The following PTPRU variants were observed in gnomAD, a reference collection of about 807,000 sequenced individuals.
The protein encoded by PTPRU is protein tyrosine phosphatase receptor type U, also known as receptor-type tyrosine-protein phosphatase U.
A neutral mutation model predicts 166.3 loss-of-function variants in PTPRU; 69 were observed. That is an observed-to-expected ratio of 0.41 (90% confidence interval 0.34 to 0.51). The LOEUF is 0.51. Ranked by LOEUF, PTPRU falls within the 20% of genes least tolerant of loss-of-function variation. PTPRU has a pLI of 0.09. For synonymous variants in PTPRU, 793 were observed against 814.0 expected (o/e 0.97, Z 0.44); for missense variants, 1,657 against 2,013.7 (o/e 0.82, Z 3.39).
Position 29,279,125 on chromosome 1 carries a change from G to A in PTPRU, c.1563+4G>A, listed in dbSNP as rs1481791867. 1 of 1,561,508 alleles carries A rather than the reference G, an allele frequency of 6.4e-7. No individual in the cohort carries two copies. The highest frequency in any genetic ancestry group is 2.4e-5 in the East Asian group (1 of 41,810). Reference sequence around the variant, plus strand: ...TGGTCTCATCACCCAGTATGAGGTGGGTTTGGGACCCTATTACAGTGGGGG... The same window carrying A: ...TGGTCTCATCACCCAGTATGAGGTGAGTTTGGGACCCTATTACAGTGGGGG... On this transcript the variant is annotated splice_donor_region_variant and intron_variant, in intron 9 of 29. Transcript: ENST00000373779. This position sits in a 1 kb window ranked among gnomAD's most constrained non-coding sequence, Gnocchi z 5.2.
intron 24 of PTPRU, 53 bp downstream of exon 24, chr1:29,316,204 T>TGTGTG: frequency 6.4e-7 from 1 of 1,570,100 alleles, no homozygotes; most frequent in Non-Finnish European, 8.7e-7. Context: ...TGTGTGTGTG[T>TGTGTG]TGGGGCATCC....
chr1:29,304,959 G>T, intron 17 of PTPRU, 110 bp downstream of exon 17: 1 of 994,080 alleles, frequency 1.0e-6, no homozygotes, highest in Non-Finnish European at 1.5e-6. Flanking sequence ...AGTAGCATTG[G>T]CCACCTTTTA....
intron 7 of PTPRU, among the ~76,000 whole-genome samples, chr1:29,272,176 T>C (rs1375374802): frequency 6.6e-6 from 1 of 152,078 alleles, no homozygotes; most frequent in African/African-American, 2.4e-5. Context: ...CAAAACTACA[T>C]TAAAAAAATT....
At chr1:29,273,627 T>G (rs1296941043) in intron 7 of PTPRU, among the ~76,000 whole-genome samples, 18 of 152,118 alleles carry the variant, frequency 1.2e-4, no homozygotes, top group Admixed American at 1.2e-3. Flanking sequence ...GGTCTCAAAC[T>G]CCTGGGCTCC....
intron 18 of PTPRU, among the ~76,000 whole-genome samples, chr1:29,308,271 G>A (rs1448673961): frequency 4.7e-5 from 7 of 149,658 alleles, no homozygotes; most frequent in African/African-American, 1.2e-4. Flanking sequence ...TGCCATGCCC[G>A]GCTAATTTTT....
Position 29,236,613 on chromosome 1 carries a change from C to G in PTPRU, c.-32C>G. On this transcript the variant is annotated 5_prime_UTR_variant, in exon 1 of 30. Transcript: ENST00000373779. This position sits in a 1 kb window ranked among gnomAD's most constrained non-coding sequence, Gnocchi z 4.6. ...GCTCCGGGGGCGGCGTCCCCCGCGC[C>G]GGGCCCCGGGACGGGCGGCGACGCT... is the stretch of plus-strand genomic sequence containing the variant. The G allele has an allele frequency of 8.2e-7, 1 of 1,222,310 alleles. No individual in the cohort carries two copies. The highest frequency in any genetic ancestry group is 1.0e-6 in the Non-Finnish European group (1 of 982,110). The allele number at this position is 1,222,310 out of a possible 1,614,324, so 75.7% of individuals were successfully genotyped here.
In PTPRU at chr1:29,318,561, T is replaced by C. The variant is rs913155270; in HGVS notation, c.3687+640T>C. On this transcript the variant is annotated intron_variant, in intron 25 of 29. Coordinates refer to ENST00000373779, the MANE Select transcript of PTPRU (RefSeq NM_133178.4). The stretch of plus-strand genomic sequence containing the variant: ...TATTATCCCTATTCCTCTGCCACAC[T>C]GGAACCAGTTCAGATATAGACACAG... Among the ~76,000 whole-genome samples the C allele has an allele frequency of 2.6e-5, 4 of 152,222 alleles. No homozygotes were observed. The East Asian group carries it at 5.8e-4, about 22-fold the overall frequency.
intron 4 of PTPRU, 33 bp downstream of exon 4, chr1:29,259,375 AG>A (rs767516216): frequency 6.2e-7 from 1 of 1,611,564 alleles, no homozygotes; most frequent in Non-Finnish European, 8.5e-7. Context: ...CGCAGGGGTA[AG>A]GGGTGTGGGC....
chr1:29,266,043 G>A (rs866681699), intron 7 of PTPRU, among the ~76,000 whole-genome samples: 67 of 84,298 alleles, frequency 7.9e-4, no homozygotes, highest in African/African-American at 2.1e-3. Context: ...TTTTTGATAC[G>A]GAGTTTCACT....
At chr1:29,270,225 G>A (rs1000182564) in intron 7 of PTPRU, among the ~76,000 whole-genome samples, 1 of 152,140 alleles carries the variant, frequency 6.6e-6, no homozygotes, top group African/African-American at 2.4e-5. Context: ...GGTAATGACT[G>A]TAGGCTGGGC....
At chr1:29,270,317 T>A (rs971188106) in intron 7 of PTPRU, among the ~76,000 whole-genome samples, 1 of 152,114 alleles carries the variant, frequency 6.6e-6, no homozygotes, top group Admixed American at 6.5e-5. Flanking sequence ...TTGTTTTTGT[T>A]TCTTTTTTTG....
At chr1:29,319,159 G>A (rs867892109) in intron 25 of PTPRU, among the ~76,000 whole-genome samples, 4 of 152,162 alleles carry the variant, frequency 2.6e-5, no homozygotes, top group Non-Finnish European at 5.9e-5. Context: ...CATGCTCGCC[G>A]GGGGACATCT....
chr1:29,269,212 TTATATACATATA>T (rs1685430303), intron 7 of PTPRU, among the ~76,000 whole-genome samples: 2 of 112,452 alleles, frequency 1.8e-5, no homozygotes, highest in African/African-American at 7.1e-5. Context: ...CCCAGCTAAT[TTATATACATATA>T]TATATATATA....
At chr1:29,292,094 C>T in intron 15 of PTPRU, 68 bp downstream of exon 15, 3 of 1,575,038 alleles carry the variant, frequency 1.9e-6, no homozygotes, top group Non-Finnish European at 2.6e-6. Flanking sequence ...AATAGGGTCC[C>T]CACATCAGGT....
intron 7 of PTPRU, among the ~76,000 whole-genome samples, chr1:29,274,577 G>A (rs1685711457): frequency 6.6e-6 from 1 of 151,866 alleles, no homozygotes; most frequent in Non-Finnish European, 1.5e-5. Flanking sequence ...TTAACTATTT[G>A]GCTCTCATTT....
At position 29,276,621 on chromosome 1, in the gene PTPRU, T is replaced by C. The variant is rs2151951596; in HGVS notation, c.1453+865T>C. ...GCATGAGCCACTTCATTTGCCAATATTCTTTTATTATATTTATTTAATGTC... is the reference window on the plus strand; with the variant it reads ...GCATGAGCCACTTCATTTGCCAATACTCTTTTATTATATTTATTTAATGTC... On this transcript the variant is annotated intron_variant, in intron 8 of 29. Transcript: ENST00000373779. 1.3e-5 allele frequency among the ~76,000 whole-genome samples: 2 copies of C among 152,246 alleles called. 1 individual carries two copies. Among genetic ancestry groups the C allele is most frequent in the South Asian group, 4.1e-4 (2 of 4,822 alleles).
intron 8 of PTPRU, 104 bp from the exon 9 acceptor site, chr1:29,278,908 T>C: frequency 2.4e-6 from 2 of 827,112 alleles, no homozygotes; most frequent in South Asian, 1.6e-5. Context: ...AGAGGCTGAA[T>C]AGTCCATGAG....
chr1:29,316,909 G>A (rs1290150788), intron 24 of PTPRU, among the ~76,000 whole-genome samples: 1 of 152,128 alleles, frequency 6.6e-6, no homozygotes, highest in African/African-American at 2.4e-5. Flanking sequence ...TCACATGGCT[G>A]AGATGGGAAA....
chr1:29,260,172 T>C lies in PTPRU; in HGVS notation c.850+128T>C. The C allele has an allele frequency of 1.9e-6, 2 of 1,077,742 alleles. No homozygotes were observed. The highest frequency in any genetic ancestry group is 2.4e-6 in the Non-Finnish European group (2 of 817,448). 66.8% of individuals were successfully genotyped at this position (1,077,742 alleles called of 1,614,324 possible). A position where few individuals can be genotyped will look rare whatever the true frequency, so the allele number is the denominator to read the frequency against. On this transcript the variant is annotated intron_variant, in intron 6 of 29. Transcript: ENST00000373779. This position sits in a 1 kb window ranked among gnomAD's most constrained non-coding sequence, Gnocchi z 8.3. ...CCGGCAGGGTGTCGCTGGGGCGCTA[T>C]CTGAAGATGGGCCTGTGGAAATGGC...
Sources: gnomAD v4.1 joint callset for allele counts (sites outside exome capture counted in the v4.1 genomes callset) on GRCh38, gnomAD v4.1.1 for gene constraint, Gnocchi (gnomAD v3.1) non-coding constraint, MANE v1.5 for transcripts, NCBI Gene and HGNC (gene_info 2026-07-23, HGNC 2026-07-21) for gene names.